The following SYTL2 variants were observed in gnomAD, a reference collection of about 807,000 sequenced individuals.
The protein encoded by SYTL2 is synaptotagmin-like protein 2.
SYTL2 carries 165 observed loss-of-function variants against 198.7 expected under a neutral mutation model. That is an observed-to-expected ratio of 0.83 (90% confidence interval 0.73 to 0.94). The LOEUF (loss-of-function observed/expected upper bound fraction) is 0.94, where lower values mean the gene tolerates loss of function less well. Ranked by LOEUF, SYTL2 falls within the 40% of genes least tolerant of loss-of-function variation. The pLI is 0.00. For synonymous variants in SYTL2, 966 were observed against 917.7 expected (o/e 1.05, Z -0.95); for missense variants, 2,835 against 2,582.8 (o/e 1.10, Z -2.12).
At chr11:85,812,797 T>A (rs2093052125), upstream of SYTL2, among the ~76,000 whole-genome samples, 1 of 150,366 alleles carries the variant, frequency 6.7e-6, no homozygotes, top group Non-Finnish European at 1.5e-5. Context: ...GAGGAGTGGC[T>A]GTACCTGCCT....
chr11:85,740,239 A>C (rs1390508052), intron 4 of SYTL2, among the ~76,000 whole-genome samples: 2 of 152,154 alleles, frequency 1.3e-5, no homozygotes, highest in African/African-American at 4.8e-5. Context: ...CAAAATGGTC[A>C]ATCTACTTAC....
chr11:85,840,671 C>CGGA, the SYTL2 span, among the ~76,000 whole-genome samples: 3 of 152,210 alleles, frequency 2.0e-5, no homozygotes, highest in Non-Finnish European at 4.4e-5. Context: ...ACTGGCTAGC[C>CGGA]ATATGCAGAT....
chr11:85,713,420 C>T (rs903113462), intron 12 of SYTL2, among the ~76,000 whole-genome samples: 3 of 152,174 alleles, frequency 2.0e-5, no homozygotes, highest in South Asian at 2.1e-4. Context: ...CACAACCTCA[C>T]GTGGTAGGTG....
the SYTL2 span, among the ~76,000 whole-genome samples, chr11:85,840,393 G>A: frequency 6.6e-6 from 1 of 152,116 alleles, no homozygotes; most frequent in African/African-American, 2.4e-5. Flanking sequence ...TTTCCCCAAT[G>A]TTTTCTTGTA....
chr11:85,717,987 G>T (rs756577013), intron 10 of SYTL2, among the ~76,000 whole-genome samples: 3 of 152,114 alleles, frequency 2.0e-5, no homozygotes, highest in African/African-American at 4.8e-5. Context: ...AAGACAGAAC[G>T]ATTACATAAA....
intron 1 of SYTL2, among the ~76,000 whole-genome samples, chr11:85,808,373 T>C (rs2092988451): frequency 6.6e-6 from 1 of 152,210 alleles, no homozygotes; most frequent in Non-Finnish European, 1.5e-5. Context: ...CCTGATATTA[T>C]TATTAATGTT....
At chr11:85,817,504 A>G in the SYTL2 span, among the ~76,000 whole-genome samples, 1 of 152,220 alleles carries the variant, frequency 6.6e-6, no homozygotes, top group Non-Finnish European at 1.5e-5. Context: ...AATTAATTTC[A>G]TCTGTTTATT....
chr11:85,726,432 C>T lies in SYTL2; in HGVS notation c.2926G>A (p.Val976Ile). Residue 976 changes from valine to isoleucine, a missense_variant, in exon 8 of 20, where the codon GTC becomes ATC. Physicochemically the swap from Val to Ile is conservative, Grantham distance 29 (BLOSUM62 3). Around this residue, in one of 3 missense-constraint regions of SYTL2, gnomAD observed 2,645 missense variants for 2,381.7 expected, o/e 1.11. Coordinates refer to ENST00000359152, the MANE Select transcript of SYTL2 (RefSeq NM_206927.4). ...ERMDEPNAEQ[V>I]YNPSQFENLR... ...TTCTCAAACTGAGAGGGATTATAGACCTGTTCTGCATTGGGTTCATCCATT... is the reference window on the plus strand; with the variant it reads ...TTCTCAAACTGAGAGGGATTATAGATCTGTTCTGCATTGGGTTCATCCATT... 1 of 1,613,368 alleles carries T rather than the reference C, an allele frequency of 6.2e-7. No individual in the cohort carries two copies.
chr11:85,850,368 C>T, the SYTL2 span, among the ~76,000 whole-genome samples: 2,883 of 151,842 alleles, frequency 0.019, 98 homozygotes, highest in African/African-American at 0.065. Context: ...GGGCAAAGGA[C>T]ATCAACACAC....
chr11:85,748,164 G>C, intron 3 of SYTL2, 108 bp downstream of exon 3: 3 of 1,265,774 alleles, frequency 2.4e-6, no homozygotes, highest in Non-Finnish European at 3.3e-6. Context: ...TATGAAAAGT[G>C]TACATCCAAA....
chr11:85,838,984 T>A, the SYTL2 span, among the ~76,000 whole-genome samples: 1 of 152,122 alleles, frequency 6.6e-6, no homozygotes, highest in Non-Finnish European at 1.5e-5. Context: ...GCTCAAAGGA[T>A]CCTCCTCATC....
intron 12 of SYTL2, among the ~76,000 whole-genome samples, chr11:85,713,849 G>A (rs1413263297): frequency 1.3e-5 from 2 of 152,154 alleles, no homozygotes; most frequent in African/African-American, 4.8e-5. Context: ...CTGTGCTCCA[G>A]TCCTGGTTGA....
chr11:85,701,538 T>C (rs1466795856), intron 16 of SYTL2, among the ~76,000 whole-genome samples: 1 of 152,220 alleles, frequency 6.6e-6, no homozygotes, highest in Non-Finnish European at 1.5e-5. Flanking sequence ...ATTTTCAAAA[T>C]ATGGGTATGT....
intron 1 of SYTL2, among the ~76,000 whole-genome samples, chr11:85,800,243 G>C (rs1485561362): frequency 2.6e-5 from 4 of 152,136 alleles, no homozygotes; most frequent in African/African-American, 9.7e-5. Context: ...ACATGAAAGA[G>C]TCCAGGTTCA....
rs375659085 is a variant in SYTL2 at position 85,754,905 on chromosome 11, G to A, written c.101+2720C>T. Among the ~76,000 whole-genome samples, 94 of 152,234 alleles carry A rather than the reference G, an allele frequency of 6.2e-4. 1 individual carries two copies. Among genetic ancestry groups the A allele is most frequent in the African/African-American group, 2.1e-3 (86 of 41,540 alleles). ...AGAATAGAGCAGAGGGAAAAGCACC[G>A]GCCCAAGAGATTTCTCATCATGGCT... On this transcript the variant is annotated intron_variant, in intron 2 of 19. Transcript: ENST00000359152.
the SYTL2 span, among the ~76,000 whole-genome samples, chr11:85,829,875 T>C: frequency 6.6e-6 from 1 of 152,364 alleles, no homozygotes; most frequent in South Asian, 2.1e-4. Flanking sequence ...GTAAAATTTC[T>C]TTGGAAGAAG....
intron 12 of SYTL2, among the ~76,000 whole-genome samples, chr11:85,712,751 C>G (rs1038895138): frequency 6.6e-6 from 1 of 151,982 alleles, no homozygotes; most frequent in Non-Finnish European, 1.5e-5. Flanking sequence ...GAGTCTCACT[C>G]TATCGCCTAG....
intron 2 of SYTL2, among the ~76,000 whole-genome samples, chr11:85,750,655 T>C (rs918170040): frequency 3.3e-5 from 5 of 152,198 alleles, no homozygotes; most frequent in Admixed American, 1.3e-4. Flanking sequence ...ACAGAGCTGA[T>C]ACCCAATAAC....
rs1218136537 is a variant in SYTL2, at chr11:85,694,569, T to G, written c.*626A>C. 1 of 152,216 alleles carries G rather than the reference T, an allele frequency of 6.6e-6. No individual in the cohort carries two copies. The highest frequency in any genetic ancestry group is 1.5e-5 in the Non-Finnish European group (1 of 68,034). The allele number at this position is 152,216 out of a possible 1,614,324, so 9.4% of individuals were successfully genotyped here. A position where few individuals can be genotyped will look rare whatever the true frequency, so the allele number is the denominator to read the frequency against. On this transcript the variant is annotated 3_prime_UTR_variant, in exon 20 of 20. Transcript: ENST00000359152. ...ACAACTGAATTGTACCTATGGCCAG[T>G]GGGTGGCACTAAAATACATTTGAGG...
Sources: allele counts gnomAD v4.1 joint callset (sites outside exome capture counted in the v4.1 genomes callset), GRCh38; gene constraint gnomAD v4.1.1; regional missense constraint gnomAD v4.1.1; transcripts MANE v1.5; gene names NCBI Gene and HGNC (gene_info 2026-07-23, HGNC 2026-07-21).